The following COL3A1 variants were observed in gnomAD, a reference collection of about 807,000 sequenced individuals.
COL3A1 encodes the protein collagen type III alpha 1 chain, also known as collagen alpha-1(III) chain.
A neutral mutation model predicts 200.9 loss-of-function variants in COL3A1; 46 were observed. That is an observed-to-expected ratio of 0.23 (90% CI 0.18 to 0.29). The LOEUF is 0.29. Among genes scored for constraint, COL3A1 ranks in the 10% least tolerant of loss-of-function variants. The pLI, the probability that COL3A1 is intolerant of heterozygous loss-of-function variation, is 1.00. For synonymous variants in COL3A1, 650 were observed against 628.0 expected, an observed-to-expected ratio of 1.03 and a Z score of -0.52; for missense variants, 1,367 against 1,917.6, an observed-to-expected ratio of 0.71 and a Z score of 5.36.
chr2:188,991,429 A>AT, intron 11 of COL3A1, 58 bp from the exon 12 acceptor site: 1 of 1,138,834 alleles, frequency 8.8e-7, no homozygotes, highest in Non-Finnish European at 1.3e-6. Flanking sequence ...TGTATTTAAA[A>AT]ATATATAATA....
At position 189,008,158 on chromosome 2, in the gene COL3A1, T is replaced by C. The variant is rs1688638437; in HGVS notation, c.3525+16T>C. 1.3e-6 allele frequency: 2 copies of C among 1,585,422 alleles called. No individual in the cohort carries two copies. Among genetic ancestry groups the C allele is most frequent in the South Asian group, 1.1e-5 (1 of 88,992 alleles). ...AGGATCTGAGGTAAGACATCACTTA[T>C]ACGTATGTGTATTTAATTTGCTACA... On this transcript the variant is annotated intron_variant, in intron 47 of 50. Transcript: ENST00000304636.
intron 1 of COL3A1, among the ~76,000 whole-genome samples, chr2:188,980,030 T>G (rs1484394552): frequency 6.6e-6 from 1 of 151,670 alleles, no homozygotes; most frequent in Non-Finnish European, 1.5e-5. Flanking sequence ...TAGGAGGTAC[T>G]ATAGCACTAG....
intron 15 of COL3A1, 75 bp downstream of exon 15, chr2:188,993,015 A>G (rs1164419824): frequency 3.6e-6 from 5 of 1,400,382 alleles, no homozygotes; most frequent in South Asian, 1.2e-5. Flanking sequence ...GCTTCTTGCA[A>G]CTGATTTTTT....
At chr2:188,996,249 A>AGTGT (rs112143266) in intron 23 of COL3A1, 71 bp downstream of exon 23, 171 of 904,620 alleles carry the variant, frequency 1.9e-4, no homozygotes, top group African/African-American at 5.3e-4. Flanking sequence ...CCTATCCTTG[A>AGTGT]GTGTGTGTGT....
Position 189,007,576 on chromosome 2 carries a change from T to A in COL3A1, c.3332T>A (p.Phe1111Tyr). Reference sequence around the variant, plus strand: ...GCTGGCATCAAAGGACATCGAGGATTCCCTGGTAATCCAGGTGCCCCAGGT... The same window carrying A: ...GCTGGCATCAAAGGACATCGAGGATACCCTGGTAATCCAGGTGCCCCAGGT... The part of the protein sequence containing the change: ...GAAGIKGHRG[F>Y]PGNPGAPGSP... Residue 1111 changes from phenylalanine (F) to tyrosine (Y), a missense_variant, in exon 45 of 51, where the codon TTC (phenylalanine) becomes TAC (tyrosine). Phe to Tyr is a conservative substitution (Grantham distance 22, BLOSUM62 3). This residue lies in a region of COL3A1 where 846 missense variants were observed against 1,147.9 expected (regional missense o/e 0.74). Coordinates refer to ENST00000304636, the MANE Select transcript of COL3A1 (RefSeq NM_000090.4). 1.2e-6 allele frequency: 2 copies of A among 1,613,398 alleles called. No homozygotes were observed. The highest frequency in any genetic ancestry group is 1.7e-6 in the Non-Finnish European group (2 of 1,179,648).
chr2:188,983,491 C>T (rs1313247466), intron 1 of COL3A1, among the ~76,000 whole-genome samples: 1 of 151,800 alleles, frequency 6.6e-6, no homozygotes, highest in Non-Finnish European at 1.5e-5. Flanking sequence ...TAAACACAAA[C>T]CTAAATTATT....
At chr2:188,986,716 T>C (rs550365147) in intron 4 of COL3A1, among the ~76,000 whole-genome samples, 33 of 152,178 alleles carry the variant, frequency 2.2e-4, no homozygotes, top group African/African-American at 7.9e-4. Flanking sequence ...CTCGAGACTC[T>C]TTTGGCCTCA....
intron 37 of COL3A1, 26 bp from the exon 38 acceptor site, chr2:189,003,708 T>C: frequency 6.2e-7 from 1 of 1,613,558 alleles, no homozygotes; most frequent in South Asian, 1.1e-5. Flanking sequence ...ACTTTTGAAA[T>C]TCAAAAATAT....
chr2:188,979,648 A>G (rs1453106097), intron 1 of COL3A1, among the ~76,000 whole-genome samples: 1 of 151,818 alleles, frequency 6.6e-6, no homozygotes, highest in Admixed American at 6.6e-5. Flanking sequence ...TTGAGGCCAG[A>G]TAGAAAAATA....
chr2:189,009,235 T>C lies in COL3A1; in HGVS notation c.3823+14T>C. On this transcript the variant is annotated intron_variant, in intron 48 of 50. Coordinates refer to ENST00000304636, the MANE Select transcript of COL3A1 (RefSeq NM_000090.4). ...AACTCAAGAGTGGTATGTTTGGTAG[T>C]CTTTCATCTTCATGGCAATAGGATT... 6.2e-7 allele frequency: 1 copy of C among 1,613,988 alleles called. No individual in the cohort carries two copies. Among genetic ancestry groups the C allele is most frequent in the Non-Finnish European group, 8.5e-7 (1 of 1,180,002 alleles).
intron 34 of COL3A1, among the ~76,000 whole-genome samples, chr2:189,001,913 A>G (rs949690251): frequency 1.3e-5 from 2 of 152,192 alleles, no homozygotes; most frequent in African/African-American, 4.8e-5. Context: ...TCTAGATTTA[A>G]AAGTCTTGAC....
intron 4 of COL3A1, among the ~76,000 whole-genome samples, chr2:188,986,077 CA>C (rs1316290591): frequency 6.6e-6 from 1 of 151,584 alleles, no homozygotes; most frequent in East Asian, 2.0e-4. Flanking sequence ...ATGAACTTAA[CA>C]AAAAAAATTA....
chr2:188,993,058 A>G (rs779166606), intron 15 of COL3A1, 118 bp downstream of exon 15: 3 of 917,178 alleles, frequency 3.3e-6, no homozygotes, highest in South Asian at 1.4e-5. Flanking sequence ...TTATCTATAC[A>G]TGTCTTTAAA....
chr2:189,004,465 A>G (rs1047935499), intron 40 of COL3A1, 101 bp downstream of exon 40: 41 of 1,059,782 alleles, frequency 3.9e-5, no homozygotes, highest in Non-Finnish European at 6.9e-6. Context: ...CACTGGAGTA[A>G]ATTAGCCAGG....
intron 34 of COL3A1, 132 bp downstream of exon 34, chr2:189,001,721 A>G (rs913085702): frequency 3.5e-6 from 3 of 861,776 alleles, no homozygotes; most frequent in Non-Finnish European, 5.9e-6. Flanking sequence ...CAAAAACCAT[A>G]TAAGGAACCA....
At chr2:189,010,595 G>A (rs41265551) in intron 49 of COL3A1, 53 bp from the exon 50 acceptor site, 140 of 1,611,778 alleles carry the variant, frequency 8.7e-5, no homozygotes, top group African/African-American at 5.3e-4. Flanking sequence ...TGAATCCCTC[G>A]CGTGCAGTTA....
At chr2:189,001,272 TA>T (rs1688455145) in intron 32 of COL3A1, 124 bp from the exon 33 acceptor site, 15 of 871,824 alleles carry the variant, frequency 1.7e-5, no homozygotes, top group South Asian at 1.5e-4. Flanking sequence ...ATTCAAGCCA[TA>T]AAAATTTTTA....
At chr2:188,978,056 C>T (rs1687860876) in intron 1 of COL3A1, 2 of 409,010 alleles carry the variant, frequency 4.9e-6, no homozygotes, top group Non-Finnish European at 9.7e-6. Context: ...CAGGTAATAA[C>T]AGAGCCTTGA....
At chr2:189,002,201 TA>T (rs1175254946) in intron 34 of COL3A1, 96 bp from the exon 35 acceptor site, 15 of 1,049,786 alleles carry the variant, frequency 1.4e-5, no homozygotes, top group Non-Finnish European at 2.2e-5. Flanking sequence ...ATTTCCTGCT[TA>T]AAGGAAAGAA....
Sources: allele counts gnomAD v4.1 joint callset (sites outside exome capture counted in the v4.1 genomes callset), GRCh38; gene constraint gnomAD v4.1.1; regional missense constraint gnomAD v4.1.1; transcripts MANE v1.5; gene names NCBI Gene and HGNC (gene_info 2026-07-23, HGNC 2026-07-21).